The following EPB41L4A variants were observed in gnomAD, a reference collection of about 807,000 sequenced individuals.
EPB41L4A encodes band 4.1-like protein 4A.
Under a neutral mutation model 108.6 loss-of-function variants are expected in EPB41L4A, and 100 were observed. The ratio of observed to expected loss-of-function variants is 0.92; its 90% CI spans 0.78 to 1.09. The LOEUF is 1.09. EPB41L4A is among the 50% of genes least tolerant of loss of function. The pLI is 0.00. For missense variants in EPB41L4A, 1,030 were observed against 842.7 expected (o/e 1.22, Z -2.75); for synonymous variants, 319 against 289.0 (o/e 1.10, Z -1.05).
intron 6 of EPB41L4A, chr5:112,264,494 T>C (rs780505445): frequency 2.0e-5 from 3 of 153,182 alleles, no homozygotes; most frequent in Admixed American, 6.5e-5. Flanking sequence ...AACATATTTA[T>C]AGCTGAAAGA....
At chr5:112,171,359 C>G (rs1480636293) in intron 18 of EPB41L4A, among the ~76,000 whole-genome samples, 4 of 152,292 alleles carry the variant, frequency 2.6e-5, no homozygotes, top group East Asian at 1.9e-4. Context: ...AAGAACTCAT[C>G]CTGATTCTAA....
At chr5:112,161,613 C>T (rs373134452), downstream of EPB41L4A, 1 of 519,162 alleles carries the variant, frequency 1.9e-6, no homozygotes, top group Non-Finnish European at 3.8e-6. Context: ...GCATAAGTAA[C>T]AGTTGCTGCT....
intron 4 of EPB41L4A, among the ~76,000 whole-genome samples, chr5:112,267,178 C>T (rs574578610): frequency 1.3e-5 from 2 of 152,206 alleles, no homozygotes; most frequent in African/African-American, 2.4e-5. Context: ...CATAATTAAC[C>T]ATCCACATCA....
At chr5:112,400,494 G>A (rs913682368) in intron 1 of EPB41L4A, among the ~76,000 whole-genome samples, 1 of 152,142 alleles carries the variant, frequency 6.6e-6, no homozygotes, top group Admixed American at 6.5e-5. Flanking sequence ...TACTGATGGT[G>A]GAAGGCAAAG....
downstream of EPB41L4A, among the ~76,000 whole-genome samples, chr5:112,159,247 C>T (rs910830950): frequency 7.2e-5 from 11 of 151,842 alleles, no homozygotes; most frequent in African/African-American, 2.2e-4. Flanking sequence ...TTGATGTGTT[C>T]GGAGATAAGC....
At chr5:112,313,451 C>T (rs1274936972) in intron 1 of EPB41L4A, among the ~76,000 whole-genome samples, 18 of 152,076 alleles carry the variant, frequency 1.2e-4, no homozygotes, top group Admixed American at 1.1e-3. Context: ...CTTAGCTGGG[C>T]GTAGTGGCGC....
chr5:112,329,695 A>G (rs1756424635), intron 1 of EPB41L4A, among the ~76,000 whole-genome samples: 1 of 152,128 alleles, frequency 6.6e-6, no homozygotes, highest in South Asian at 2.1e-4. Context: ...CTCTAATCCC[A>G]GGGACTGCCC....
At chr5:112,192,373 C>A (rs1761747186) in intron 17 of EPB41L4A, among the ~76,000 whole-genome samples, 2 of 152,280 alleles carry the variant, frequency 1.3e-5, no homozygotes, top group South Asian at 4.1e-4. Context: ...TACTGACAGG[C>A]AGACTTTATA....
At chr5:112,210,958 T>C (rs1244523012) in intron 12 of EPB41L4A, among the ~76,000 whole-genome samples, 2 of 152,078 alleles carry the variant, frequency 1.3e-5, no homozygotes, top group African/African-American at 2.4e-5. Context: ...GAGAATGTCA[T>C]GAAGATGAGT....
chr5:112,249,001 T>C (rs1224378846), intron 9 of EPB41L4A: 1 of 152,200 alleles, frequency 6.6e-6, no homozygotes, highest in African/African-American at 2.4e-5. Flanking sequence ...TTAATCCCAT[T>C]ATATACCTGG....
intron 1 of EPB41L4A, among the ~76,000 whole-genome samples, chr5:112,390,398 C>T (rs1049386522): frequency 1.3e-5 from 2 of 152,186 alleles, no homozygotes; most frequent in Non-Finnish European, 2.9e-5. Context: ...GATTACATCC[C>T]GCACCTGGCT....
intron 12 of EPB41L4A, among the ~76,000 whole-genome samples, chr5:112,215,061 A>G (rs1580449620): frequency 6.6e-6 from 1 of 152,184 alleles, no homozygotes; most frequent in Non-Finnish European, 1.5e-5. Flanking sequence ...TAGGTACTCA[A>G]TGAATGTCTA....
At chr5:112,159,973 C>A (rs1331636206), downstream of EPB41L4A, among the ~76,000 whole-genome samples, 41 of 148,126 alleles carry the variant, frequency 2.8e-4, no homozygotes, top group Middle Eastern at 3.6e-3. Context: ...ATGATCTCGG[C>A]TCACCGCAAC....
chr5:112,161,351 C>G, downstream of EPB41L4A: 1 of 401,486 alleles, frequency 2.5e-6, no homozygotes, highest in East Asian at 6.0e-5. Context: ...TCGCATTTCA[C>G]TTTTCATTAT....
chr5:112,245,525 C>G (rs540238867), intron 9 of EPB41L4A, among the ~76,000 whole-genome samples: 2 of 152,310 alleles, frequency 1.3e-5, no homozygotes, highest in Admixed American at 6.5e-5. Context: ...GCAAGGCTAT[C>G]TGTAATTCCA....
intron 18 of EPB41L4A, 107 bp downstream of exon 18, chr5:112,183,909 C>A (rs1761288451): frequency 7.5e-7 from 1 of 1,332,956 alleles, no homozygotes; most frequent in Admixed American, 2.1e-5. Flanking sequence ...GACAAATAAA[C>A]AATGAAATAA....
intron 12 of EPB41L4A, among the ~76,000 whole-genome samples, chr5:112,232,519 C>T (rs934479813): frequency 6.6e-6 from 1 of 152,162 alleles, no homozygotes; most frequent in African/African-American, 2.4e-5. Context: ...TCCAGCCCAA[C>T]AAGAGGAGGG....
intron 1 of EPB41L4A, among the ~76,000 whole-genome samples, chr5:112,400,947 C>T (rs1458156210): frequency 6.6e-6 from 1 of 152,066 alleles, no homozygotes; most frequent in East Asian, 1.9e-4. Flanking sequence ...TAACTTTTAA[C>T]TATATATGGT....
chr5:112,191,799 CAA>C (rs1378902806), intron 17 of EPB41L4A, among the ~76,000 whole-genome samples: 1 of 152,058 alleles, frequency 6.6e-6, no homozygotes, highest in African/African-American at 2.4e-5. Context: ...TCACGGGCTC[CAA>C]AAGAGGTTCT....
Sources: allele counts gnomAD v4.1 joint callset (sites outside exome capture counted in the v4.1 genomes callset), GRCh38; gene constraint gnomAD v4.1.1; transcripts MANE v1.5; gene names NCBI Gene and HGNC (gene_info 2026-07-23, HGNC 2026-07-21).